The following WDFY2 variants were observed in gnomAD, a reference collection of about 807,000 sequenced individuals.
WDFY2 encodes WD repeat and FYVE domain-containing protein 2.
WDFY2 carries 36 observed loss-of-function variants against 56.4 expected under a neutral mutation model. The observed-to-expected ratio is 0.64, with a 90% CI of 0.49 to 0.84. The LOEUF (loss-of-function observed/expected upper bound fraction) is 0.84, where lower values mean the gene tolerates loss of function less well. WDFY2 is among the 40% of genes least tolerant of loss of function. The pLI, the probability that WDFY2 is intolerant of heterozygous loss-of-function variation, is 0.00. For synonymous variants in WDFY2, 176 were observed against 183.7 expected (o/e 0.96, Z 0.34); for missense variants, 444 against 512.2 (o/e 0.87, Z 1.29).
Position 51,729,111 on chromosome 13 carries a change from G to T in WDFY2, c.598+1321G>T, listed in dbSNP as rs564079299. On this transcript the variant is annotated intron_variant, in intron 6 of 11. Coordinates refer to ENST00000298125, the MANE Select transcript of WDFY2 (RefSeq NM_052950.4). ...TCTCAGCGTTCTCAGTTCTGTGAAT[G>T]TAAATGTTCTGCCTTCTTGGCAAGC... is the stretch of plus-strand genomic sequence containing the variant. Among the ~76,000 whole-genome samples, 15 of 152,248 alleles carry T rather than the reference G, an allele frequency of 9.9e-5. No homozygotes were observed. In the South Asian group the frequency reaches 3.1e-3, roughly 32 times the overall value.
chr13:51,715,319 T>C (rs376008971), intron 4 of WDFY2, among the ~76,000 whole-genome samples: 8 of 152,230 alleles, frequency 5.3e-5, no homozygotes, highest in African/African-American at 1.9e-4. Context: ...AAATATTTTT[T>C]CTTCATACCT....
At position 51,729,983 on chromosome 13, in the gene WDFY2, C is replaced by T. The variant is rs527865965; in HGVS notation, c.598+2193C>T. Among the ~76,000 whole-genome samples the T allele has an allele frequency of 5.3e-5, 8 of 152,282 alleles. 1 individual carries two copies. The South Asian group carries it at 1.7e-3, about 32-fold the overall frequency. On this transcript the variant is annotated intron_variant, in intron 6 of 11. Transcript: ENST00000298125. ...TTCCCTTGGACATTAACTCCCCATC[C>T]TCCCCCTCGGCCCCCCAGTCCCTGG... is the stretch of plus-strand genomic sequence containing the variant.
chr13:51,726,219 C>T (rs559855110), intron 5 of WDFY2, among the ~76,000 whole-genome samples: 9 of 151,720 alleles, frequency 5.9e-5, no homozygotes, highest in South Asian at 2.1e-4. Flanking sequence ...CTCTCATATG[C>T]GTTGGCTGCC....
chr13:51,640,032 A>G (rs540684406), intron 1 of WDFY2, among the ~76,000 whole-genome samples: 1 of 152,368 alleles, frequency 6.6e-6, no homozygotes, highest in East Asian at 1.9e-4. Flanking sequence ...CTTTAAAAGC[A>G]CAATTTATTC....
chr13:51,587,735 A>G (rs143999063), intron 1 of WDFY2: 9 of 152,360 alleles, frequency 5.9e-5, no homozygotes, highest in African/African-American at 2.2e-4. Context: ...CTTAATAAAA[A>G]CAAAACTACT....
chr13:51,679,983 G>A, intron 3 of WDFY2, among the ~76,000 whole-genome samples: 1 of 152,026 alleles, frequency 6.6e-6, no homozygotes, highest in East Asian at 1.9e-4. Context: ...AAAGAGCAGT[G>A]GTGCTATAAT....
At chr13:51,700,353 A>G (rs188168254) in intron 3 of WDFY2, among the ~76,000 whole-genome samples, 1 of 152,332 alleles carries the variant, frequency 6.6e-6, no homozygotes, top group Admixed American at 6.5e-5. Context: ...AATAGAAACT[A>G]TTTTATCCAA....
chr13:51,603,975 G>A (rs1954336071), intron 1 of WDFY2, among the ~76,000 whole-genome samples: 1 of 152,130 alleles, frequency 6.6e-6, no homozygotes, highest in African/African-American at 2.4e-5. Flanking sequence ...AGTGAAAGAG[G>A]GCAGCAGCTT....
intron 1 of WDFY2, among the ~76,000 whole-genome samples, chr13:51,660,067 GTT>G (rs1955582051): frequency 6.6e-6 from 1 of 152,106 alleles, no homozygotes; most frequent in African/African-American, 2.4e-5. Context: ...TATTTAAAGA[GTT>G]ATATATAATT....
chr13:51,654,310 T>C (rs1173586067), intron 1 of WDFY2, among the ~76,000 whole-genome samples: 1 of 152,180 alleles, frequency 6.6e-6, no homozygotes, highest in African/African-American at 2.4e-5. Flanking sequence ...TTCACCCCTT[T>C]CCTTGGCTAG....
chr13:51,712,808 G>A (rs1952252891), intron 4 of WDFY2, among the ~76,000 whole-genome samples: 1 of 151,094 alleles, frequency 6.6e-6, no homozygotes, highest in Non-Finnish European at 1.5e-5. Context: ...TTACTACAGA[G>A]TCTAGGTATA....
At chr13:51,604,153 T>C (rs1285991640) in intron 1 of WDFY2, among the ~76,000 whole-genome samples, 1 of 152,234 alleles carries the variant, frequency 6.6e-6, no homozygotes, top group Non-Finnish European at 1.5e-5. Flanking sequence ...ATAGTATTAA[T>C]GCACGCTGGA....
At chr13:51,691,545 C>T (rs1339287746) in intron 3 of WDFY2, among the ~76,000 whole-genome samples, 8 of 151,824 alleles carry the variant, frequency 5.3e-5, no homozygotes, top group Non-Finnish European at 1.2e-4. Flanking sequence ...TGTTCCGTTC[C>T]ATTGATCTAT....
chr13:51,653,303 C>T (rs1023839349), intron 1 of WDFY2, among the ~76,000 whole-genome samples: 19 of 152,116 alleles, frequency 1.2e-4, no homozygotes, highest in African/African-American at 4.3e-4. Flanking sequence ...GTTAGCCATT[C>T]GTCTAATCTT....
intron 4 of WDFY2, among the ~76,000 whole-genome samples, chr13:51,709,347 G>A (rs879325203): frequency 6.6e-6 from 1 of 152,158 alleles, no homozygotes; most frequent in Admixed American, 6.5e-5. Flanking sequence ...ATTGAAGTAG[G>A]AATTAATAAC....
At chr13:51,707,321 GC>G (rs1952104663) in intron 4 of WDFY2, among the ~76,000 whole-genome samples, 1 of 152,066 alleles carries the variant, frequency 6.6e-6, no homozygotes, top group East Asian at 1.9e-4. Flanking sequence ...ACCACACCTG[GC>G]TAAGTTTTAT....
intron 1 of WDFY2, chr13:51,598,521 A>G (rs1457838451): frequency 6.6e-6 from 1 of 152,162 alleles, no homozygotes; most frequent in Non-Finnish European, 1.5e-5. Flanking sequence ...AGGATCTTTC[A>G]CACAGGGCAG....
chr13:51,629,826 C>CTTTTTTTTTT (rs11432630), intron 1 of WDFY2, among the ~76,000 whole-genome samples: 250 of 124,696 alleles, frequency 2.0e-3, no homozygotes, highest in Non-Finnish European at 2.5e-3. Flanking sequence ...TCTTTCTTTT[C>CTTTTTTTTTT]TTTTTTTTTT....
chr13:51,687,469 A>G (rs898697970), intron 3 of WDFY2, among the ~76,000 whole-genome samples: 1 of 152,072 alleles, frequency 6.6e-6, no homozygotes, highest in Non-Finnish European at 1.5e-5. Flanking sequence ...TTAAGAAGAT[A>G]TCATCTGAGC....
Sources: gnomAD v4.1 joint callset for allele counts (sites outside exome capture counted in the v4.1 genomes callset) on GRCh38, gnomAD v4.1.1 for gene constraint, MANE v1.5 for transcripts, NCBI Gene and HGNC (gene_info 2026-07-23, HGNC 2026-07-21) for gene names.